The following NKAIN2 variants were observed in gnomAD, a reference collection of about 807,000 sequenced individuals.
NKAIN2 encodes the protein sodium/potassium transporting ATPase interacting 2.
NKAIN2 carries 14 observed loss-of-function variants against 32.6 expected under a neutral mutation model. The observed-to-expected ratio is 0.43, with a 90% CI of 0.28 to 0.67. The LOEUF (loss-of-function observed/expected upper bound fraction) is 0.67, where lower values mean the gene tolerates loss of function less well. Among genes scored for constraint, NKAIN2 ranks in the 30% least tolerant of loss-of-function variants. The probability of loss-of-function intolerance (pLI) is 0.17; values close to 1 mark genes in which losing one functional copy is unlikely to be tolerated. For missense variants in NKAIN2, 198 were observed against 258.3 expected (o/e 0.77, Z 1.60); for synonymous variants, 80 against 87.2 (o/e 0.92, Z 0.46).
chr6:124,279,007 G>A (rs141377372), intron 1 of NKAIN2, among the ~76,000 whole-genome samples: 1 of 151,900 alleles, frequency 6.6e-6, no homozygotes, highest in Admixed American at 6.6e-5. Context: ...AGAAACACAA[G>A]GTGAAAACAC....
chr6:124,696,472 C>A (rs1562329474), intron 4 of NKAIN2, among the ~76,000 whole-genome samples: 1 of 152,062 alleles, frequency 6.6e-6, no homozygotes, highest in East Asian at 1.9e-4. Flanking sequence ...CCTCCCATGC[C>A]CTGAGACCTG....
At chr6:124,643,187 A>C (rs564150914) in intron 3 of NKAIN2, among the ~76,000 whole-genome samples, 2 of 152,286 alleles carry the variant, frequency 1.3e-5, no homozygotes, top group African/African-American at 4.8e-5. Context: ...ACCTTTCAAT[A>C]AGCAGGATTT....
intron 1 of NKAIN2, among the ~76,000 whole-genome samples, chr6:124,082,624 C>T (rs17086580): frequency 0.016 from 2,435 of 151,646 alleles, 75 homozygotes; most frequent in African/African-American, 0.056. Context: ...TTGTTTATGA[C>T]ACATGGCCAA....
At chr6:124,772,070 T>C (rs1778782396) in intron 4 of NKAIN2, among the ~76,000 whole-genome samples, 1 of 151,508 alleles carries the variant, frequency 6.6e-6, no homozygotes, top group Non-Finnish European at 1.5e-5. Flanking sequence ...CATGAAAGAG[T>C]GAGAAAGATA....
intron 1 of NKAIN2, among the ~76,000 whole-genome samples, chr6:124,243,193 TGAA>T (rs1041858059): frequency 2.0e-5 from 3 of 151,742 alleles, no homozygotes; most frequent in African/African-American, 7.3e-5. Context: ...GAGGGGAAGA[TGAA>T]GAGGAAGATG....
intron 2 of NKAIN2, among the ~76,000 whole-genome samples, chr6:124,346,290 C>A (rs188518771): frequency 6.6e-6 from 1 of 151,992 alleles, no homozygotes; most frequent in African/African-American, 2.4e-5. Flanking sequence ...TGGTGTGGTG[C>A]TGAAAAAAAT....
Position 123,975,783 on chromosome 6 carries a change from C to T in NKAIN2, c.54+171529C>T, listed in dbSNP as rs1197856659. Among the ~76,000 whole-genome samples the T allele has an allele frequency of 6.6e-5, 10 of 152,098 alleles. No homozygotes were observed. In the South Asian group the frequency reaches 2.1e-3, roughly 32 times the overall value. Reference sequence around the variant, plus strand: ...TCCACACTCATGACATAATAACCTCCCAAAGGCCCTACCTCCTTTCACCGT... The same window carrying T: ...TCCACACTCATGACATAATAACCTCTCAAAGGCCCTACCTCCTTTCACCGT... On this transcript the variant is annotated intron_variant, in intron 1 of 6. Coordinates refer to ENST00000368417, the MANE Select transcript of NKAIN2 (RefSeq NM_001040214.3).
At chr6:124,443,596 T>A (rs1244427626) in intron 3 of NKAIN2, among the ~76,000 whole-genome samples, 1 of 152,006 alleles carries the variant, frequency 6.6e-6, no homozygotes, top group East Asian at 1.9e-4. Context: ...TTATAGGGGG[T>A]AGCATAGGAC....
At chr6:124,615,286 A>G (rs1271186502) in intron 3 of NKAIN2, among the ~76,000 whole-genome samples, 4 of 152,340 alleles carry the variant, frequency 2.6e-5, no homozygotes, top group Non-Finnish European at 5.9e-5. Flanking sequence ...CTTAAAAATC[A>G]TAAACTATTT....
intron 4 of NKAIN2, among the ~76,000 whole-genome samples, chr6:124,699,788 A>T (rs1443251622): frequency 6.6e-6 from 1 of 152,150 alleles, no homozygotes; most frequent in African/African-American, 2.4e-5. Flanking sequence ...TTTCTTTATA[A>T]ATTACCCAGT....
chr6:124,288,728 A>T (rs896454788), intron 2 of NKAIN2, among the ~76,000 whole-genome samples: 1 of 152,170 alleles, frequency 6.6e-6, no homozygotes, highest in South Asian at 2.1e-4. Context: ...AGGACAAATG[A>T]TCTATTTCTA....
At chr6:124,203,808 C>T (rs761876971) in intron 1 of NKAIN2, among the ~76,000 whole-genome samples, 4 of 151,624 alleles carry the variant, frequency 2.6e-5, no homozygotes, top group South Asian at 2.1e-4. Context: ...TTTTTTTAAA[C>T]GGTATGAGTT....
In NKAIN2 at chr6:124,532,892, T is replaced by C. The variant is rs533032700; in HGVS notation, c.274-125294T>C. Among the ~76,000 whole-genome samples the C allele has an allele frequency of 4.2e-4, 64 of 152,250 alleles. 1 individual carries two copies. The highest frequency in any genetic ancestry group is 1.5e-3 in the African/African-American group (63 of 41,552). Reference sequence around the variant, plus strand: ...GTGTTTTAAGAGCCAAGCTCTCCAGTAGAGTCTGGAAAAGTTGGGAACTAT... The same window carrying C: ...GTGTTTTAAGAGCCAAGCTCTCCAGCAGAGTCTGGAAAAGTTGGGAACTAT... On this transcript the variant is annotated intron_variant, in intron 3 of 6. Coordinates refer to ENST00000368417, the MANE Select transcript of NKAIN2 (RefSeq NM_001040214.3).
At chr6:124,446,443 A>G (rs1268682271) in intron 3 of NKAIN2, among the ~76,000 whole-genome samples, 1 of 152,070 alleles carries the variant, frequency 6.6e-6, no homozygotes, top group African/African-American at 2.4e-5. Flanking sequence ...CCTGGGCTCA[A>G]GTGATCCTCC....
intron 3 of NKAIN2, among the ~76,000 whole-genome samples, chr6:124,560,437 T>C (rs765966240): frequency 7.2e-5 from 11 of 152,238 alleles, no homozygotes; most frequent in Non-Finnish European, 1.6e-4. Context: ...GCCTCAGGTA[T>C]GTCTTTGTTT....
intron 5 of NKAIN2, among the ~76,000 whole-genome samples, chr6:124,805,327 G>A (rs540718328): frequency 5.3e-5 from 8 of 152,204 alleles, no homozygotes; most frequent in East Asian, 3.9e-4. Flanking sequence ...CGGCATTCGC[G>A]GTTCACAAAA....
intron 3 of NKAIN2, among the ~76,000 whole-genome samples, chr6:124,415,063 C>G (rs1015646731): frequency 6.6e-6 from 1 of 152,128 alleles, no homozygotes; most frequent in East Asian, 1.9e-4. Context: ...GGGGATTTCT[C>G]TCCACCAACA....
intron 1 of NKAIN2, among the ~76,000 whole-genome samples, chr6:123,809,579 C>T (rs1361178223): frequency 6.6e-6 from 1 of 152,138 alleles, no homozygotes; most frequent in Non-Finnish European, 1.5e-5. Context: ...TTTTGTAATA[C>T]TGCTGTGCAC....
At chr6:124,772,927 C>T (rs1778826590) in intron 4 of NKAIN2, among the ~76,000 whole-genome samples, 1 of 152,060 alleles carries the variant, frequency 6.6e-6, no homozygotes, top group Non-Finnish European at 1.5e-5. Flanking sequence ...GCAATATACC[C>T]ATGTAACAAA....
Sources: allele counts gnomAD v4.1 joint callset (sites outside exome capture counted in the v4.1 genomes callset), GRCh38; gene constraint gnomAD v4.1.1; transcripts MANE v1.5; gene names NCBI Gene and HGNC (gene_info 2026-07-23, HGNC 2026-07-21).